The following TAF6 variants were observed in gnomAD, a reference collection of about 807,000 sequenced individuals.
The protein encoded by TAF6 is TATA-box binding protein associated factor 6.
A neutral mutation model predicts 73.5 loss-of-function variants in TAF6; 50 were observed. That is an observed-to-expected ratio of 0.68 (90% CI 0.54 to 0.86). TAF6 has a LOEUF of 0.86. Among genes scored for constraint, TAF6 ranks in the 40% least tolerant of loss-of-function variants. The probability of loss-of-function intolerance (pLI) is 0.00; values close to 1 mark genes in which losing one functional copy is unlikely to be tolerated. For synonymous variants in TAF6, 424 were observed against 376.7 expected, an observed-to-expected ratio of 1.13 and a Z score of -1.45; for missense variants, 768 against 899.5, an observed-to-expected ratio of 0.85 and a Z score of 1.87.
Position 100,108,411 on chromosome 7 carries a change from G to C in TAF6, c.1414C>G (p.Leu472Val), listed in dbSNP as rs759059228. The change falls in exon 13 of 15, where the codon CTG (leucine) becomes GTG (valine). Residue 472 changes from leucine (L) to valine (V), a missense_variant. Physicochemically the swap from Leu to Val is conservative, Grantham distance 32. Around this residue, in one of 5 missense-constraint regions of TAF6, gnomAD observed 350 missense variants for 352.3 expected, o/e 0.99. Transcript: ENST00000453269. ...GTCCTGTTGACCTGCTGAGCCTGCA[G>C]AGCAGCCTGGGCCCGAGCCTTGACC... ...QVVKARAQAA[L>V]QAQQVNRTTL... The C allele has an allele frequency of 1.2e-6, 2 of 1,613,382 alleles. No individual in the cohort carries two copies. The highest frequency in any genetic ancestry group is 2.2e-5 in the South Asian group (2 of 91,068).
upstream of TAF6, chr7:100,122,423 C>T (rs771172138): frequency 2.5e-6 from 4 of 1,614,066 alleles, no homozygotes; most frequent in South Asian, 1.1e-5. Context: ...CAACCCCCAA[C>T]GGAGCCCTGG....
At chr7:100,124,508 G>T, upstream of TAF6, 2 of 1,604,604 alleles carry the variant, frequency 1.2e-6, no homozygotes, top group South Asian at 2.2e-5. Context: ...CCTTCTACTT[G>T]ACCAGTGTGA....
chr7:100,122,197 C>A, upstream of TAF6: 1 of 1,601,604 alleles, frequency 6.2e-7, no homozygotes. Flanking sequence ...AGGTCATCTG[C>A]AGAATGAATG....
At chr7:100,111,637 T>C in intron 9 of TAF6, 91 bp downstream of exon 9, 2 of 1,381,602 alleles carry the variant, frequency 1.4e-6, no homozygotes, top group Non-Finnish European at 2.1e-6. Context: ...TTGCTGGGAT[T>C]TCAGGTGTGA....
intron 14 of TAF6, 144 bp from the exon 15 acceptor site, chr7:100,107,767 C>T (rs1796695195): frequency 1.4e-6 from 2 of 1,403,710 alleles, no homozygotes; most frequent in Admixed American, 2.7e-5. Flanking sequence ...AGACCTTGTT[C>T]ATGCAGGGCA....
chr7:100,119,706 T>C, upstream of TAF6: 4 of 1,613,912 alleles, frequency 2.5e-6, no homozygotes, highest in Non-Finnish European at 3.4e-6. Context: ...TTCCCGAAGT[T>C]GAAGGCAAGC....
Sources: gnomAD v4.1 joint callset for allele counts on GRCh38, gnomAD v4.1.1 for gene constraint, gnomAD v4.1.1 regional missense constraint, MANE v1.5 for transcripts, NCBI Gene and HGNC (gene_info 2026-07-23, HGNC 2026-07-21) for gene names.